The following MUC17 variants were observed in gnomAD, a reference collection of about 807,000 sequenced individuals.
MUC17 encodes mucin-17.
MUC17 carries 190 observed loss-of-function variants against 170.3 expected under a neutral mutation model. That is an observed-to-expected ratio of 1.12 (90% CI 0.99 to 1.26). MUC17 has a LOEUF of 1.26. Among genes scored for constraint, MUC17 ranks in the 50% most tolerant of loss-of-function variants. The pLI is 0.00. For synonymous variants in MUC17, 2,325 were observed against 2,002.5 expected (o/e 1.16, Z -4.30); for missense variants, 6,415 against 5,530.0 (o/e 1.16, Z -5.08).
chr7:101,037,382 G>T lies in MUC17; in HGVS notation c.5966G>T (p.Ser1989Ile). The change falls in exon 3 of 13, where the codon AGT becomes ATT. Residue 1989 changes from serine (S) to isoleucine (I), a missense_variant. Coordinates refer to ENST00000306151, the MANE Select transcript of MUC17 (RefSeq NM_001040105.2). ...AYSEGSTPLT[S>I]MPLSTTLVVS... ...AGTGAAGGAAGCACTCCACTAACAAGTATGCCTCTCAGCACCACGCTGGTG... is the reference window on the plus strand; with the variant it reads ...AGTGAAGGAAGCACTCCACTAACAATTATGCCTCTCAGCACCACGCTGGTG... The T allele has an allele frequency of 6.2e-7, 1 of 1,613,914 alleles. No individual in the cohort carries two copies. The highest frequency in any genetic ancestry group is 8.5e-7 in the Non-Finnish European group (1 of 1,179,890).
intron 1 of MUC17, among the ~76,000 whole-genome samples, chr7:101,022,844 C>T (rs889132234): frequency 2.0e-5 from 3 of 152,064 alleles, no homozygotes; most frequent in Non-Finnish European, 4.4e-5. Context: ...CACCCACCTC[C>T]TCCAGGGAGC....
Position 101,037,427 on chromosome 7 carries a change from CT to C in MUC17, c.6012del (p.Leu2005PhefsTer42). 1 of 1,611,524 alleles carries C rather than the reference CT, an allele frequency of 6.2e-7. No homozygotes were observed. On this transcript the variant is annotated frameshift_variant, in exon 3 of 13. Coordinates refer to ENST00000306151, the MANE Select transcript of MUC17 (RefSeq NM_001040105.2). LOFTEE classifies it high-confidence loss of function. The part of the protein sequence containing the change: ...TTLVVSSEAS[T>X]LSTTPVDTST... ...CTGGTGGTCAGTTCTGAGGCTAGCACTCTTTCCACAACTCCTGTTGACACCA... is the reference window on the plus strand; with the variant it reads ...CTGGTGGTCAGTTCTGAGGCTAGCACCTTTCCACAACTCCTGTTGACACCA...
At chr7:101,023,577 G>C (rs566455968) in intron 1 of MUC17, among the ~76,000 whole-genome samples, 55 of 152,072 alleles carry the variant, frequency 3.6e-4, no homozygotes, top group African/African-American at 1.3e-3. Context: ...GCTAATTTTT[G>C]TATTTTCAGT....
In MUC17 at chr7:101,038,668, T is replaced by A. The variant is rs749896738; in HGVS notation, c.7252T>A (p.Ser2418Thr). The A allele has an allele frequency of 6.2e-7, 1 of 1,613,766 alleles. No homozygotes were observed. Among genetic ancestry groups the A allele is most frequent in the East Asian group, 2.2e-5 (1 of 44,832 alleles). ...GGTCAGTTCTGAGGCTAGCACCCAT[T>A]CCACAACTCCTGTTGACACCAGCAC... ...PVVSSEASTH[S>T]TTPVDTSTPV... The change falls in exon 3 of 13, where the codon TCC becomes ACC. Residue 2418 changes from serine to threonine, a missense_variant. Physicochemically the swap from Ser to Thr is moderately conservative, Grantham distance 58. Coordinates refer to ENST00000306151, the MANE Select transcript of MUC17 (RefSeq NM_001040105.2).
intron 1 of MUC17, among the ~76,000 whole-genome samples, chr7:101,025,758 C>T (rs544038393): frequency 6.7e-5 from 10 of 150,350 alleles, no homozygotes; most frequent in South Asian, 4.2e-4. Context: ...CATGCCACTG[C>T]GCTCCAGCCT....
chr7:101,023,019 A>G (rs1205412315), intron 1 of MUC17, among the ~76,000 whole-genome samples: 1 of 152,202 alleles, frequency 6.6e-6, no homozygotes, highest in Non-Finnish European at 1.5e-5. Flanking sequence ...CCTGGAGGCC[A>G]GAATCTAAAA....
rs1398649797 is a variant in MUC17, at chr7:101,037,715, GA to G, written c.6301del (p.Ser2101ValfsTer4). 1 of 1,613,030 alleles carries G rather than the reference GA, an allele frequency of 6.2e-7. No individual in the cohort carries two copies. The highest frequency in any genetic ancestry group is 2.2e-5 in the East Asian group (1 of 44,772). On this transcript the variant is annotated frameshift_variant, in exon 3 of 13. Coordinates refer to ENST00000306151, the MANE Select transcript of MUC17 (RefSeq NM_001040105.2). LOFTEE classifies it high-confidence loss of function. ...ATGACAATCTCAGCTCCTAGTGAAG[GA>G]AGTCCTCTACTAACAAGTATACCTC... ...SSMTISAPSEGSPLLTSIPLS... is the reference protein window; with the variant it reads ...SSMTISAPSEXSPLLTSIPLS...
Position 101,032,528 on chromosome 7 carries a change from C to T in MUC17, c.1112C>T (p.Pro371Leu), listed in dbSNP as rs1169290630. The part of the protein sequence containing the change: ...TSTLVTTSTE[P>L]SSLPTTAEAT... ...ACACTTGTGACCACTTCTACTGAAC[C>T]CAGTTCACTTCCTACAACTGCTGAA... is the stretch of plus-strand genomic sequence containing the variant. The change falls in exon 3 of 13, where the codon CCC becomes CTC. Residue 371 changes from proline (P) to leucine (L), a missense_variant. Transcript: ENST00000306151. 3.7e-6 allele frequency: 6 copies of T among 1,614,184 alleles called. No homozygotes were observed. Among genetic ancestry groups the T allele is most frequent in the Admixed American group, 1.7e-5 (1 of 60,022 alleles).
chr7:101,039,425 C>G lies in MUC17; in HGVS notation c.8009C>G (p.Thr2670Ser), dbSNP rs777035213. 3 of 1,612,178 alleles carry G rather than the reference C, an allele frequency of 1.9e-6. No individual in the cohort carries two copies. The highest frequency in any genetic ancestry group is 2.2e-5 in the South Asian group (2 of 90,940). The change falls in exon 3 of 13, where the codon ACC (threonine) becomes AGC (serine). Residue 2670 changes from threonine to serine, a missense_variant. Transcript: ENST00000306151. Reference sequence around the variant, plus strand: ...ACACTTGTGACCACTTCCACTGGAACCAGTTCATCTCCTACAACTGCTGAA... The same window carrying G: ...ACACTTGTGACCACTTCCACTGGAAGCAGTTCATCTCCTACAACTGCTGAA... Reference protein sequence around the residue: ...TRTLVTTSTGTSSSPTTAEGS... With the variant: ...TRTLVTTSTGSSSSPTTAEGS...
intron 1 of MUC17, among the ~76,000 whole-genome samples, chr7:101,024,088 G>T (rs952684668): frequency 6.6e-6 from 1 of 152,036 alleles, no homozygotes; most frequent in East Asian, 1.9e-4. Context: ...GAGGGAGCAG[G>T]CTTTCTTTTT....
rs1248615743 is a variant in MUC17 at position 101,045,784 on chromosome 7, A to T, written c.12403+1965A>T. Among the ~76,000 whole-genome samples the T allele has an allele frequency of 2.6e-5, 4 of 152,090 alleles. No homozygotes were observed. The East Asian group carries it at 7.7e-4, about 29-fold the overall frequency. On this transcript the variant is annotated intron_variant, in intron 3 of 12. Coordinates refer to ENST00000306151, the MANE Select transcript of MUC17 (RefSeq NM_001040105.2). Reference sequence around the variant, plus strand: ...CTGATTCTCAGATGAGTGGTCTGAGAATTTTCAGGTGGGAGACCTGGACCT... The same window carrying T: ...CTGATTCTCAGATGAGTGGTCTGAGTATTTTCAGGTGGGAGACCTGGACCT...
In MUC17 at chr7:101,032,338, A is replaced by G; in HGVS notation, c.922A>G (p.Thr308Ala). ...TPAATNIPVI[T>A]STEASSSPTT... ...TGCTGCCACCAACATTCCTGTGATC[A>G]CTTCTACTGAAGCCAGTTCATCTCC... Residue 308 changes from threonine (T) to alanine (A), a missense_variant, in exon 3 of 13, where the codon ACT (threonine) becomes GCT (alanine). By Grantham distance (58) the Thr-to-Ala change is moderately conservative. Transcript: ENST00000306151. 6.2e-7 allele frequency: 1 copy of G among 1,613,712 alleles called. No homozygotes were observed. The highest frequency in any genetic ancestry group is 8.5e-7 in the Non-Finnish European group (1 of 1,179,936).
Position 101,043,804 on chromosome 7 carries a change from C to T in MUC17, c.12388C>T (p.Pro4130Ser). 1 of 1,598,328 alleles carries T rather than the reference C, an allele frequency of 6.3e-7. No homozygotes were observed. The highest frequency in any genetic ancestry group is 8.5e-7 in the Non-Finnish European group (1 of 1,170,882). Residue 4130 changes from proline to serine, a missense_variant, in exon 3 of 13, where the codon CCA (proline) becomes TCA (serine). By Grantham distance (74) the Pro-to-Ser change is moderately conservative. Transcript: ENST00000306151. ...KSNPTSTPTV[P>S]RTTTCFGDGC... ...CAACCCCACCTCAACTCCTACTGTG[C>T]CAAGAACCACAACATGTAAGTGATT...
Position 101,051,892 on chromosome 7 carries a change from C to G in MUC17, c.13033C>G (p.Pro4345Ala), listed in dbSNP as rs377077190. 1.9e-6 allele frequency: 3 copies of G among 1,614,104 alleles called. No homozygotes were observed. The highest frequency in any genetic ancestry group is 2.5e-6 in the Non-Finnish European group (3 of 1,180,042). ...QKPYCISPCE[P>A]GFSVSKNCNL... is the part of the protein sequence containing the mutation. Reference sequence around the variant, plus strand: ...GCCATACTGCATCAGCCCCTGTGAGCCTGGCTTCAGTGTCTCCAAGAACTG... The same window carrying G: ...GCCATACTGCATCAGCCCCTGTGAGGCTGGCTTCAGTGTCTCCAAGAACTG... The change falls in exon 9 of 13, where the codon CCT (proline) becomes GCT (alanine). Residue 4345 changes from proline to alanine, a missense_variant. Transcript: ENST00000306151.
intron 4 of MUC17, chr7:101,048,361 A>C: frequency 3.6e-6 from 1 of 277,648 alleles, no homozygotes; most frequent in Non-Finnish European, 6.6e-6. Flanking sequence ...TGGGAGCCTG[A>C]GGCAGGATCA....
rs1302430789 is a variant in MUC17 at position 101,042,254 on chromosome 7, G to A, written c.10838G>A (p.Ser3613Asn). Residue 3613 changes from serine to asparagine, a missense_variant, in exon 3 of 13, where the codon AGC becomes AAC. By Grantham distance (46) the Ser-to-Asn change is conservative (BLOSUM62 1). Coordinates refer to ENST00000306151, the MANE Select transcript of MUC17 (RefSeq NM_001040105.2). ...ACACCTGTGACCACTTCTACTCAGA[G>A]CAATTCTACTCCTACACCTCCTGAA... Reference protein sequence around the residue: ...RSTPVTTSTQSNSTPTPPEVI... With the variant: ...RSTPVTTSTQNNSTPTPPEVI... 6.2e-7 allele frequency: 1 copy of A among 1,611,582 alleles called. No homozygotes were observed. The highest frequency in any genetic ancestry group is 8.5e-7 in the Non-Finnish European group (1 of 1,179,394).
At position 101,043,136 on chromosome 7, in the gene MUC17, C is replaced by G; in HGVS notation, c.11720C>G (p.Thr3907Ser). 1 of 1,614,168 alleles carries G rather than the reference C, an allele frequency of 6.2e-7. No homozygotes were observed. The highest frequency in any genetic ancestry group is 8.5e-7 in the Non-Finnish European group (1 of 1,180,020). ...TPPLDTSTTF[T>S]PSTDTASTPT... ...CCTCTTGACACAAGCACAACTTTTA[C>G]CCCTTCTACTGACACTGCCTCAACT... Residue 3907 changes from threonine (T) to serine (S), a missense_variant, in exon 3 of 13, where the codon ACC becomes AGC. Coordinates refer to ENST00000306151, the MANE Select transcript of MUC17 (RefSeq NM_001040105.2).
intron 7 of MUC17, among the ~76,000 whole-genome samples, 194 bp downstream of exon 7, chr7:101,050,829 T>A (rs1373613224): frequency 2.6e-5 from 4 of 151,968 alleles, no homozygotes; most frequent in African/African-American, 9.7e-5. Context: ...ACCTTCATCA[T>A]CCTCTGGCCC....
At chr7:101,031,471 C>T (rs1794277459) in intron 2 of MUC17, 130 bp from the exon 3 acceptor site, 1 of 1,128,830 alleles carries the variant, frequency 8.9e-7, no homozygotes, top group Non-Finnish European at 1.2e-6. Context: ...ACTAATTCCA[C>T]TTCTTCCTGA....
Sources: allele counts gnomAD v4.1 joint callset (sites outside exome capture counted in the v4.1 genomes callset), GRCh38; gene constraint gnomAD v4.1.1; transcripts MANE v1.5; gene names NCBI Gene and HGNC (gene_info 2026-07-23, HGNC 2026-07-21).